ARPP21: variants seen among roughly 807,000 people sequenced by gnomAD.
ARPP21 encodes the protein cAMP regulated phosphoprotein 21.
ARPP21 carries 69 observed loss-of-function variants against 113.2 expected under a neutral mutation model. The ratio of observed to expected loss-of-function variants is 0.61; its 90% CI spans 0.50 to 0.74. The LOEUF (loss-of-function observed/expected upper bound fraction) is 0.74, where lower values mean the gene tolerates loss of function less well. Ranked by LOEUF, ARPP21 falls within the 30% of genes least tolerant of loss-of-function variation. The pLI is 0.00. For synonymous variants in ARPP21, 368 were observed against 375.5 expected (o/e 0.98, Z 0.23); for missense variants, 1,070 against 1,037.4 (o/e 1.03, Z -0.43).
chr3:35,738,140 A>G, intron 16 of ARPP21, 74 bp from the exon 17 acceptor site: 10 of 918,320 alleles, frequency 1.1e-5, no homozygotes, highest in Non-Finnish European at 1.7e-5. Context: ...CCTATGAAGG[A>G]CAGTGGTGTG....
chr3:35,789,400 A>C (rs2096700561), intron 19 of ARPP21, among the ~76,000 whole-genome samples: 1 of 152,220 alleles, frequency 6.6e-6, no homozygotes. Context: ...AATTTAAAGA[A>C]ATGAGTAGCC....
intron 19 of ARPP21, among the ~76,000 whole-genome samples, chr3:35,757,573 C>A (rs1276650406): frequency 2.6e-5 from 4 of 152,026 alleles, no homozygotes; most frequent in Non-Finnish European, 4.4e-5. Context: ...AGAAGACAAT[C>A]CAAGTGGTGG....
At chr3:35,694,797 A>G (rs956629438) in intron 9 of ARPP21, among the ~76,000 whole-genome samples, 5 of 150,942 alleles carry the variant, frequency 3.3e-5, no homozygotes, top group Admixed American at 6.6e-5. Flanking sequence ...CAATGGTATC[A>G]TTAAGTAACA....
chr3:35,707,663 C>T (rs951869993), intron 10 of ARPP21: 4 of 401,188 alleles, frequency 1.0e-5, no homozygotes, highest in Non-Finnish European at 2.0e-5. Flanking sequence ...AAATTGTCTG[C>T]TTGTTTTGCA....
At position 35,743,904 on chromosome 3, in the gene ARPP21, G is replaced by A; in HGVS notation, c.2076G>A (p.Met692Ile). 1 of 1,613,660 alleles carries A rather than the reference G, an allele frequency of 6.2e-7. No homozygotes were observed. The highest frequency in any genetic ancestry group is 8.5e-7 in the Non-Finnish European group (1 of 1,179,522). ...PTSTTQQYRP[M>I]APVQYNAQRS... ...CAACCACGCAACAGTACCGGCCCAT[G>A]GCCCCGGTTCAGTACAACGCTCAGA... Residue 692 changes from methionine (M) to isoleucine (I), a missense_variant, in exon 19 of 21, where the codon ATG becomes ATA. By Grantham distance (10) the Met-to-Ile change is conservative. Coordinates refer to ENST00000684406, the MANE Select transcript of ARPP21 (RefSeq NM_001385562.1).
chr3:35,715,722 A>C (rs1227963917), intron 12 of ARPP21: 4 of 305,256 alleles, frequency 1.3e-5, no homozygotes. Flanking sequence ...TAAAGTCTCA[A>C]TTTCTGGTCC....
At chr3:35,639,369 G>T (rs1028637638), upstream of ARPP21, among the ~76,000 whole-genome samples, 1 of 152,068 alleles carries the variant, frequency 6.6e-6, no homozygotes, top group African/African-American at 2.4e-5. This position sits in a 1 kb window ranked among gnomAD's most constrained non-coding sequence, Gnocchi z 5.0. Flanking sequence ...TGGGGCCCGG[G>T]GTCTCCGGCC....
At chr3:35,793,569 A>C in intron 20 of ARPP21, 132 bp from the exon 21 acceptor site, 1 of 662,088 alleles carries the variant, frequency 1.5e-6, no homozygotes, top group Non-Finnish European at 2.7e-6. Context: ...CAGCCGATAA[A>C]TGGCAGAGCT....
At chr3:35,653,281 T>TA (rs11457687) in intron 1 of ARPP21, among the ~76,000 whole-genome samples, 109,406 of 151,704 alleles carry the variant, frequency 0.72, 39,723 homozygotes, top group African/African-American at 0.8. Context: ...ATGAAAGAAG[T>TA]TATTTCATCC....
At chr3:35,655,705 G>T (rs987552479) in intron 1 of ARPP21, among the ~76,000 whole-genome samples, 4 of 152,054 alleles carry the variant, frequency 2.6e-5, no homozygotes, top group African/African-American at 9.7e-5. Flanking sequence ...ACAGAAGGAA[G>T]TAAATGTGAG....
At chr3:35,717,804 T>C (rs1279731078) in intron 13 of ARPP21, among the ~76,000 whole-genome samples, 2 of 152,142 alleles carry the variant, frequency 1.3e-5, no homozygotes, top group Non-Finnish European at 2.9e-5. Flanking sequence ...GAATTTTATT[T>C]CTGAAGAAAG....
intron 19 of ARPP21, among the ~76,000 whole-genome samples, chr3:35,772,528 C>G (rs757549378): frequency 5.3e-5 from 8 of 152,298 alleles, no homozygotes; most frequent in Non-Finnish European, 1.0e-4. Context: ...GTCCAGCACT[C>G]CAGCACTCCT....
intron 19 of ARPP21, among the ~76,000 whole-genome samples, chr3:35,780,612 T>C (rs1480857607): frequency 6.6e-6 from 1 of 152,028 alleles, no homozygotes; most frequent in Non-Finnish European, 1.5e-5. Context: ...ACAATAGGAA[T>C]TCAAGGTAAT....
intron 1 of ARPP21, among the ~76,000 whole-genome samples, chr3:35,659,429 G>A (rs190658579): frequency 2.7e-3 from 413 of 152,248 alleles, no homozygotes; most frequent in Non-Finnish European, 4.2e-3. Flanking sequence ...ATGATTAGAA[G>A]ACATTTATAG....
chr3:35,651,945 T>C (rs1008253299), intron 1 of ARPP21: 2 of 152,104 alleles, frequency 1.3e-5, no homozygotes, highest in African/African-American at 2.4e-5. Flanking sequence ...TCCACATCAA[T>C]GGTTCTGTGA....
chr3:35,641,397 G>A (rs1698029160), intron 1 of ARPP21: 1 of 152,168 alleles, frequency 6.6e-6, no homozygotes, highest in South Asian at 2.1e-4. Flanking sequence ...CAGAGAAGTG[G>A]AGATGACAGG....
At chr3:35,791,799 C>T (rs1213325008) in intron 19 of ARPP21, among the ~76,000 whole-genome samples, 3 of 152,180 alleles carry the variant, frequency 2.0e-5, no homozygotes, top group Admixed American at 1.3e-4. Flanking sequence ...GCATCACATG[C>T]GTCCCACTTG....
rs1413647271 is a variant in ARPP21 at position 35,708,954 on chromosome 3, CT to C, written c.796-9del. On this transcript the variant is annotated splice_polypyrimidine_tract_variant and intron_variant, in intron 10 of 20. Coordinates refer to ENST00000684406, the MANE Select transcript of ARPP21 (RefSeq NM_001385562.1). ...GCAACTTGGATAACCCTCCTGATTT[CT>C]TTTTTCTGTTCAGCAAAACAGAATG... The C allele has an allele frequency of 1.3e-6, 2 of 1,597,334 alleles. No individual in the cohort carries two copies. The highest frequency in any genetic ancestry group is 1.7e-6 in the Non-Finnish European group (2 of 1,166,584).
At chr3:35,710,824 C>T (rs1443695036) in intron 11 of ARPP21, among the ~76,000 whole-genome samples, 1 of 152,124 alleles carries the variant, frequency 6.6e-6, no homozygotes, top group African/African-American at 2.4e-5. Flanking sequence ...AAAGAGAGGT[C>T]ACTGGGAGAC....
Sources: allele counts gnomAD v4.1 joint callset (sites outside exome capture counted in the v4.1 genomes callset), GRCh38; gene constraint gnomAD v4.1.1; non-coding constraint Gnocchi (gnomAD v3.1); transcripts MANE v1.5; gene names NCBI Gene and HGNC (gene_info 2026-07-23, HGNC 2026-07-21).